Variants in MTAP observed in about 807,000 individuals in gnomAD.
The protein encoded by MTAP is methylthioadenosine phosphorylase.
In MTAP, 33 loss-of-function variants were observed where a neutral mutation model predicts 33.6. That is an observed-to-expected ratio of 0.98 (90% CI 0.74 to 1.31). The LOEUF (loss-of-function observed/expected upper bound fraction) is 1.31, where lower values mean the gene tolerates loss of function less well. MTAP is among the 40% of genes most tolerant of loss of function. MTAP has a pLI of 0.00. For synonymous variants in MTAP, 148 were observed against 125.7 expected, an observed-to-expected ratio of 1.18 and a Z score of -1.19; for missense variants, 367 against 360.0, an observed-to-expected ratio of 1.02 and a Z score of -0.16.
intron 1 of MTAP, chr9:21,930,944 C>T: frequency 1.4e-6 from 1 of 690,628 alleles, no homozygotes; most frequent in Non-Finnish European, 2.6e-6. Flanking sequence ...TCTACTTTTG[C>T]TCCTTTCAGT....
intron 7 of MTAP, 168 bp downstream of exon 7, chr9:21,859,593 A>C: frequency 1.5e-6 from 1 of 670,328 alleles, no homozygotes; most frequent in Non-Finnish European, 2.3e-6. Context: ...GAAACTGAGT[A>C]GTCTTATTTT....
At chr9:21,885,779 G>GGTGTGT (rs34691018) in intron 1 of MTAP, among the ~76,000 whole-genome samples, 3,864 of 144,400 alleles carry the variant, frequency 0.027, 59 homozygotes, top group Admixed American at 0.053. Context: ...AGTATTACAT[G>GGTGTGT]GTGTGTGTGT....
In MTAP at chr9:21,818,317, CTTTTTTTTTTTTT is replaced by C. The variant is rs35709813; in HGVS notation, c.347+130_347+142del. On this transcript the variant is annotated intron_variant, in intron 4 of 7. Coordinates refer to ENST00000644715, the MANE Select transcript of MTAP (RefSeq NM_002451.4). ...GAGGGCAGTGCCACAGACTCGCTTG[CTTTTTTTTTTTTT>C]TTTTTTTTTTTTTTGGAGACGGAGC... is the stretch of plus-strand genomic sequence containing the variant. 499 of 240,910 alleles carry C rather than the reference CTTTTTTTTTTTTT, an allele frequency of 2.1e-3. 10 individuals are homozygous for C. Among genetic ancestry groups the C allele is most frequent in the African/African-American group, 3.1e-3 (75 of 23,816 alleles). 14.9% of individuals were successfully genotyped at this position (240,910 alleles called of 1,614,324 possible). A position where few individuals can be genotyped will look rare whatever the true frequency, so the allele number is the denominator to read the frequency against.
intron 7 of MTAP, chr9:21,859,658 C>T (rs765083088): frequency 2.6e-6 from 1 of 381,300 alleles, no homozygotes; most frequent in Non-Finnish European, 4.6e-6. Flanking sequence ...TTTATTATCT[C>T]GTGTACCAGA....
chr9:21,808,234 AG>A (rs1372679328), intron 1 of MTAP, among the ~76,000 whole-genome samples: 26 of 152,192 alleles, frequency 1.7e-4, no homozygotes, highest in South Asian at 2.1e-4. Flanking sequence ...TTCTTCCCTT[AG>A]TGTTATAGTT....
chr9:21,883,902 G>A (rs2118713906), intron 1 of MTAP, among the ~76,000 whole-genome samples: 1 of 152,218 alleles, frequency 6.6e-6, no homozygotes, highest in Non-Finnish European at 1.5e-5. Flanking sequence ...GTGAGCCTCT[G>A]TGCCACAGGG....
At position 21,919,731 on chromosome 9, in the gene MTAP, G is replaced by A. The variant is rs543585725; in HGVS notation, c.148-11277G>A. Among the ~76,000 whole-genome samples, 5 of 152,314 alleles carry A rather than the reference G, an allele frequency of 3.3e-5. No homozygotes were observed. In the South Asian group the frequency reaches 8.3e-4, roughly 25 times the overall value. On this transcript the variant is annotated intron_variant, in intron 1 of 1. Coordinates refer to the MTAP transcript ENST00000577563. Reference sequence around the variant, plus strand: ...CAAGGTGATAGAATCATAGCTTAGAGGTCAAGGTGGAGTAATAAAGTGGTG... The same window carrying A: ...CAAGGTGATAGAATCATAGCTTAGAAGTCAAGGTGGAGTAATAAAGTGGTG...
chr9:21,922,453 G>T lies in MTAP; in HGVS notation c.148-8555G>T, dbSNP rs1024119275. ...ACTTTCTTTCATTCCTGCTCTAAGA[G>T]TTTTTAATAAACTCTTACTTCTGCT... On this transcript the variant is annotated intron_variant, in intron 1 of 1. Transcript: ENST00000577563. The surrounding 1 kb of genome is among the most constrained non-coding windows in gnomAD (Gnocchi z 4.8). Among the ~76,000 whole-genome samples, 105 of 152,204 alleles carry T rather than the reference G, an allele frequency of 6.9e-4. No homozygotes were observed. The highest frequency in any genetic ancestry group is 3.4e-3 in the Middle Eastern group (1 of 294).
At chr9:21,892,328 A>C (rs190061262) in intron 1 of MTAP, 1 of 152,192 alleles carries the variant, frequency 6.6e-6, no homozygotes, top group African/African-American at 2.4e-5. Flanking sequence ...CACAGTGGCA[A>C]TTTGGATAAA....
intron 1 of MTAP, among the ~76,000 whole-genome samples, chr9:21,901,569 C>T (rs991573546): frequency 9.9e-5 from 15 of 152,046 alleles, no homozygotes; most frequent in African/African-American, 3.6e-4. Flanking sequence ...AACCTATAAA[C>T]GAGCTTTTAT....
chr9:21,916,080 AAAGGAAGGAAGGAAGG>A (rs375102585), intron 1 of MTAP, among the ~76,000 whole-genome samples: 6 of 116,982 alleles, frequency 5.1e-5, no homozygotes, highest in South Asian at 3.2e-4. Flanking sequence ...GGGAGGAAGG[AAAGGAAGGAAGGAAGG>A]AAGGAAGGAA....
chr9:21,910,527 C>A (rs1363691502), intron 1 of MTAP, among the ~76,000 whole-genome samples: 1 of 152,048 alleles, frequency 6.6e-6, no homozygotes, highest in Non-Finnish European at 1.5e-5. Flanking sequence ...TGGGAAAGCA[C>A]ATGCATGCCT....
intron 4 of MTAP, among the ~76,000 whole-genome samples, chr9:21,826,540 GA>G (rs1325170542): frequency 3.3e-5 from 5 of 151,570 alleles, no homozygotes; most frequent in African/African-American, 1.2e-4. Context: ...CATCCTGTCG[GA>G]AGGCATGTGA....
At chr9:21,878,883 C>A (rs1466212309) in intron 1 of MTAP, among the ~76,000 whole-genome samples, 1 of 152,102 alleles carries the variant, frequency 6.6e-6, no homozygotes, top group South Asian at 2.1e-4. Flanking sequence ...TTTTTAAAAT[C>A]TTGACTTATA....
At chr9:21,912,661 C>A (rs1292612632) in intron 1 of MTAP, among the ~76,000 whole-genome samples, 2 of 152,282 alleles carry the variant, frequency 1.3e-5, no homozygotes, top group Non-Finnish European at 2.9e-5. Flanking sequence ...TTATGACAAA[C>A]CCACAGCCAG....
chr9:21,931,311 C>T (rs763252456), downstream of MTAP: 56 of 568,812 alleles, frequency 9.8e-5, no homozygotes, highest in Middle Eastern at 4.3e-4. Flanking sequence ...TGGATTTTTG[C>T]GGGGGAAAAT....
At chr9:21,810,064 T>A (rs1314734366) in intron 1 of MTAP, among the ~76,000 whole-genome samples, 2 of 152,212 alleles carry the variant, frequency 1.3e-5, no homozygotes, top group Admixed American at 6.5e-5. Flanking sequence ...CTGACTAAAA[T>A]ATAGAGTCAC....
Position 21,855,877 on chromosome 9 carries a change from C to G in MTAP, c.690+1007C>G, listed in dbSNP as rs556931258. 1.4e-4 allele frequency among the ~76,000 whole-genome samples: 22 copies of G among 152,204 alleles called. No individual in the cohort carries two copies. In the East Asian group the frequency reaches 1.5e-3, roughly 11 times the overall value. ...TGAAGTAAATATTTTCCTAAAAGGTCTTTTTAAAATTAAGTTATAACCATG... is the reference window on the plus strand; with the variant it reads ...TGAAGTAAATATTTTCCTAAAAGGTGTTTTTAAAATTAAGTTATAACCATG... On this transcript the variant is annotated intron_variant, in intron 6 of 7. Coordinates refer to ENST00000644715, the MANE Select transcript of MTAP (RefSeq NM_002451.4).
intron 1 of MTAP, among the ~76,000 whole-genome samples, chr9:21,884,243 G>T (rs1050383141): frequency 6.6e-6 from 1 of 152,138 alleles, no homozygotes; most frequent in Admixed American, 6.6e-5. Context: ...ATGAATTTGT[G>T]TTGGATACAC....
Sources: allele counts gnomAD v4.1 joint callset (sites outside exome capture counted in the v4.1 genomes callset), GRCh38; gene constraint gnomAD v4.1.1; non-coding constraint Gnocchi (gnomAD v3.1); transcripts MANE v1.5; gene names NCBI Gene and HGNC (gene_info 2026-07-23, HGNC 2026-07-21).